MYO16: variants seen among roughly 807,000 people sequenced by gnomAD.
MYO16 encodes unconventional myosin-XVI.
Under a neutral mutation model 205.3 loss-of-function variants are expected in MYO16, and 94 were observed. The observed-to-expected ratio is 0.46, with a 90% CI of 0.39 to 0.54. The LOEUF (loss-of-function observed/expected upper bound fraction) is 0.54, where lower values mean the gene tolerates loss of function less well. MYO16 is among the 20% of genes least tolerant of loss of function. The pLI is 0.00. For synonymous variants in MYO16, 988 were observed against 954.0 expected (o/e 1.04, Z -0.66); for missense variants, 2,315 against 2,387.5 (o/e 0.97, Z 0.63).
At chr13:109,180,554 A>T (rs1879411416) in intron 34 of MYO16, among the ~76,000 whole-genome samples, 1 of 152,230 alleles carries the variant, frequency 6.6e-6, no homozygotes, top group Non-Finnish European at 1.5e-5. Flanking sequence ...AGATGTTTCC[A>T]CGAAATCAAC....
chr13:108,998,773 G>T (rs1388365960), intron 21 of MYO16, among the ~76,000 whole-genome samples: 2 of 152,096 alleles, frequency 1.3e-5, no homozygotes, highest in African/African-American at 2.4e-5. Flanking sequence ...TTGGCTGGGG[G>T]CCTCAGTTCC....
At chr13:108,945,796 T>C (rs778723869) in intron 16 of MYO16, among the ~76,000 whole-genome samples, 12 of 152,180 alleles carry the variant, frequency 7.9e-5, no homozygotes, top group Non-Finnish European at 1.5e-4. Flanking sequence ...TGAAAAAAAA[T>C]CTTCCTGAAT....
chr13:109,136,189 G>A (rs1242025314), intron 31 of MYO16, among the ~76,000 whole-genome samples: 1 of 151,794 alleles, frequency 6.6e-6, no homozygotes, highest in Non-Finnish European at 1.5e-5. Flanking sequence ...CACCTCCCAG[G>A]ATCAAGTGAT....
At chr13:108,616,135 T>G (rs1201649165) in intron 1 of MYO16, among the ~76,000 whole-genome samples, 1 of 152,174 alleles carries the variant, frequency 6.6e-6, no homozygotes, top group Non-Finnish European at 1.5e-5. Context: ...ACACATGCAT[T>G]TTTCTTCATT....
intron 11 of MYO16, among the ~76,000 whole-genome samples, chr13:108,861,758 A>G (rs1878459315): frequency 6.6e-6 from 1 of 152,072 alleles, no homozygotes; most frequent in Admixed American, 6.6e-5. Flanking sequence ...TCTTTTGTGA[A>G]CTGCCTGTTC....
chr13:108,865,325 T>C (rs1158164770), intron 11 of MYO16, among the ~76,000 whole-genome samples: 1 of 152,190 alleles, frequency 6.6e-6, no homozygotes, highest in Non-Finnish European at 1.5e-5. Flanking sequence ...TTTATATATG[T>C]GATGCTAGAT....
intron 11 of MYO16, 133 bp from the exon 12 acceptor site, chr13:108,866,044 A>C (rs1878695267): frequency 1.9e-6 from 1 of 527,500 alleles, no homozygotes; most frequent in East Asian, 3.6e-5. Context: ...AATATTAAAA[A>C]ATAGCAAAAT....
chr13:108,645,054 A>T (rs963835880), intron 1 of MYO16, among the ~76,000 whole-genome samples: 12 of 152,198 alleles, frequency 7.9e-5, no homozygotes, highest in African/African-American at 1.2e-4. Context: ...TAGCAGAGAC[A>T]TCAGGGGTGG....
At chr13:108,994,680 C>T (rs967545412) in intron 21 of MYO16, among the ~76,000 whole-genome samples, 5 of 152,052 alleles carry the variant, frequency 3.3e-5, no homozygotes, top group South Asian at 4.1e-4. Context: ...TTCTGTTTTG[C>T]GCTTATTGAC....
At chr13:109,157,137 ACTC>A (rs1878091343) in intron 32 of MYO16, among the ~76,000 whole-genome samples, 1 of 125,108 alleles carries the variant, frequency 8.0e-6, no homozygotes, top group African/African-American at 3.1e-5. Flanking sequence ...CTGCCTTTCC[ACTC>A]CTCCTTCTGC....
At chr13:108,676,384 T>TGC in intron 2 of MYO16, among the ~76,000 whole-genome samples, 1 of 144,698 alleles carries the variant, frequency 6.9e-6, no homozygotes, top group Non-Finnish European at 1.5e-5. Flanking sequence ...TGTGTGTGTG[T>TGC]GTGTGTGTGT....
intron 2 of MYO16, among the ~76,000 whole-genome samples, chr13:108,694,507 G>T (rs895633496): frequency 6.6e-6 from 1 of 151,856 alleles, no homozygotes; most frequent in Non-Finnish European, 1.5e-5. Flanking sequence ...TTCATGTCTT[G>T]TTGGTCGTTT....
rs183868309 is a variant in MYO16, at chr13:109,147,046, T to C, written c.5164+5670T>C. Among the ~76,000 whole-genome samples, 566 of 152,162 alleles carry C rather than the reference T, an allele frequency of 3.7e-3. 12 individuals are homozygous for C. Among genetic ancestry groups the C allele is most frequent in the Non-Finnish European group, 8.8e-4 (60 of 68,014 alleles). On this transcript the variant is annotated intron_variant, in intron 32 of 34. Coordinates refer to ENST00000457511, the MANE Select transcript of MYO16 (RefSeq NM_001198950.3). ...GAAGCTGCTATTCATGACAAAAGCC[T>C]GATTCTCGAAGCCAGGGCGTCATTT...
intron 1 of MYO16, among the ~76,000 whole-genome samples, chr13:108,619,024 T>A (rs1164409127): frequency 6.6e-6 from 1 of 152,190 alleles, no homozygotes; most frequent in East Asian, 1.9e-4. Context: ...TCTATTATCA[T>A]AATTTTTTCC....
At chr13:108,538,311 AG>A in the MYO16 span, among the ~76,000 whole-genome samples, 1 of 152,160 alleles carries the variant, frequency 6.6e-6, no homozygotes, top group African/African-American at 2.4e-5. Context: ...AGAAGTAATC[AG>A]AGACTAGAAA....
At chr13:109,123,365 AT>A (rs1371994734) in intron 29 of MYO16, among the ~76,000 whole-genome samples, 1 of 152,076 alleles carries the variant, frequency 6.6e-6, no homozygotes, top group East Asian at 1.9e-4. Flanking sequence ...GCACATCCAC[AT>A]TAATCTTCTC....
intron 32 of MYO16, among the ~76,000 whole-genome samples, chr13:109,161,587 A>C (rs1198455358): frequency 6.6e-6 from 1 of 152,220 alleles, no homozygotes; most frequent in Non-Finnish European, 1.5e-5. Context: ...TAACTATTGT[A>C]AGAGCAATGT....
intron 34 of MYO16, among the ~76,000 whole-genome samples, chr13:109,195,146 G>A (rs943192740): frequency 6.6e-6 from 1 of 151,834 alleles, no homozygotes; most frequent in Non-Finnish European, 1.5e-5. Context: ...AGAAATTAAA[G>A]CATCCAGATA....
Position 108,961,659 on chromosome 13 carries a change from C to A in MYO16, c.2155+3C>A. On this transcript the variant is annotated splice_donor_region_variant and intron_variant, in intron 18 of 34. Coordinates refer to ENST00000457511, the MANE Select transcript of MYO16 (RefSeq NM_001198950.3). ...TGACCTCCAGCTCCTGGAACAAGGT[C>A]AGTGGAACATGACCTTCTGACATTA... 2 of 1,603,520 alleles carry A rather than the reference C, an allele frequency of 1.2e-6. No homozygotes were observed. The highest frequency in any genetic ancestry group is 2.2e-5 in the East Asian group (1 of 44,808).
Sources: allele counts gnomAD v4.1 joint callset (sites outside exome capture counted in the v4.1 genomes callset), GRCh38; gene constraint gnomAD v4.1.1; transcripts MANE v1.5; gene names NCBI Gene and HGNC (gene_info 2026-07-23, HGNC 2026-07-21).